The following L3MBTL4 variants were observed in gnomAD, a reference collection of about 807,000 sequenced individuals.
The protein encoded by L3MBTL4 is L3MBTL histone methyl-lysine binding protein 4.
In L3MBTL4, 70 loss-of-function variants were observed where a neutral mutation model predicts 84.5. The ratio of observed to expected loss-of-function variants is 0.83; its 90% CI spans 0.68 to 1.01. L3MBTL4 has a LOEUF of 1.01. Among genes scored for constraint, L3MBTL4 ranks in the 50% least tolerant of loss-of-function variants. L3MBTL4 has a pLI of 0.00. For synonymous variants in L3MBTL4, 274 were observed against 259.8 expected, an observed-to-expected ratio of 1.05 and a Z score of -0.52; for missense variants, 715 against 754.8, an observed-to-expected ratio of 0.95 and a Z score of 0.62.
intron 3 of L3MBTL4, among the ~76,000 whole-genome samples, chr18:6,303,062 T>C (rs1205476425): frequency 2.6e-5 from 4 of 152,148 alleles, no homozygotes. Flanking sequence ...ATCTTTTAAA[T>C]GAAGGGTTTC....
At chr18:6,092,174 C>T (rs972340850) in intron 15 of L3MBTL4, among the ~76,000 whole-genome samples, 31 of 152,112 alleles carry the variant, frequency 2.0e-4, no homozygotes, top group African/African-American at 7.2e-4. Context: ...CAGTCATGTG[C>T]ACAGAGATCA....
At chr18:6,004,211 T>C (rs1367529825) in intron 16 of L3MBTL4, among the ~76,000 whole-genome samples, 2 of 152,116 alleles carry the variant, frequency 1.3e-5, no homozygotes, top group African/African-American at 2.4e-5. Context: ...ACTGATTCTA[T>C]AGAAATGAAA....
chr18:6,181,888 C>T (rs936511047), intron 12 of L3MBTL4, among the ~76,000 whole-genome samples: 19 of 152,170 alleles, frequency 1.2e-4, no homozygotes, highest in Admixed American at 1.1e-3. Flanking sequence ...ATATGTACTA[C>T]ATTTTCTTTA....
chr18:6,065,404 C>G (rs2057368258), intron 16 of L3MBTL4, among the ~76,000 whole-genome samples: 1 of 151,808 alleles, frequency 6.6e-6, no homozygotes. Context: ...TCTTTTGGAA[C>G]TGTTTCAGTA....
At chr18:6,090,049 T>C (rs954424860) in intron 15 of L3MBTL4, among the ~76,000 whole-genome samples, 1 of 152,204 alleles carries the variant, frequency 6.6e-6, no homozygotes, top group Admixed American at 6.5e-5. Context: ...TACTCTACTA[T>C]ATGTACCCAA....
At chr18:6,299,072 G>T (rs1314262159) in intron 4 of L3MBTL4, among the ~76,000 whole-genome samples, 1 of 152,178 alleles carries the variant, frequency 6.6e-6, no homozygotes, top group Non-Finnish European at 1.5e-5. Context: ...ATTACACGGT[G>T]ATTGGCAATA....
At chr18:6,048,931 G>A (rs907595100) in intron 16 of L3MBTL4, among the ~76,000 whole-genome samples, 2 of 152,146 alleles carry the variant, frequency 1.3e-5, no homozygotes, top group East Asian at 3.9e-4. Context: ...GCCATATGCA[G>A]AATGAAACTA....
chr18:6,398,251 T>C (rs1374238747), intron 1 of L3MBTL4, among the ~76,000 whole-genome samples: 1 of 152,176 alleles, frequency 6.6e-6, no homozygotes, highest in African/African-American at 2.4e-5. Flanking sequence ...ACAGTCGCAA[T>C]TGTGGAGGCC....
chr18:6,387,312 A>C (rs934452125), intron 1 of L3MBTL4, among the ~76,000 whole-genome samples: 6 of 152,232 alleles, frequency 3.9e-5, no homozygotes, highest in African/African-American at 1.2e-4. Flanking sequence ...TTCTCAAACT[A>C]GGATACCCAT....
At chr18:6,081,127 T>C (rs2058064300) in intron 15 of L3MBTL4, 176 bp from the exon 16 acceptor site, 1 of 477,570 alleles carries the variant, frequency 2.1e-6, no homozygotes, top group Non-Finnish European at 3.6e-6. Flanking sequence ...AACACACTTC[T>C]GTTCAGAAAC....
intron 16 of L3MBTL4, among the ~76,000 whole-genome samples, chr18:5,975,192 G>T (rs901758610): frequency 6.6e-6 from 1 of 152,090 alleles, no homozygotes; most frequent in Admixed American, 6.6e-5. Context: ...CAAAACTGAA[G>T]CAAGTGAGTC....
At chr18:6,058,810 T>C (rs987692401) in intron 16 of L3MBTL4, among the ~76,000 whole-genome samples, 6 of 152,200 alleles carry the variant, frequency 3.9e-5, no homozygotes, top group Non-Finnish European at 8.8e-5. Context: ...CCAACATGCA[T>C]GTTAATCTGA....
At chr18:6,282,622 T>A (rs865789656) in intron 4 of L3MBTL4, among the ~76,000 whole-genome samples, 2 of 152,198 alleles carry the variant, frequency 1.3e-5, no homozygotes, top group African/African-American at 4.8e-5. Context: ...GAGGCCTTAG[T>A]AAGAATTTCG....
intron 10 of L3MBTL4, among the ~76,000 whole-genome samples, chr18:6,217,917 A>C (rs1038467719): frequency 5.3e-5 from 8 of 152,102 alleles, no homozygotes; most frequent in Non-Finnish European, 1.2e-4. Flanking sequence ...ATCTATTTTA[A>C]TCACTTTCTA....
intron 5 of L3MBTL4, among the ~76,000 whole-genome samples, chr18:6,262,327 A>G (rs949240623): frequency 8.5e-5 from 13 of 152,222 alleles, no homozygotes; most frequent in African/African-American, 3.1e-4. Flanking sequence ...AGAAGCGAGA[A>G]GAGTTTCCCT....
At chr18:5,992,205 A>C (rs1245642863) in intron 16 of L3MBTL4, among the ~76,000 whole-genome samples, 1 of 152,178 alleles carries the variant, frequency 6.6e-6, no homozygotes, top group African/African-American at 2.4e-5. Context: ...ATAGGGCATG[A>C]TGAGGAGCCC....
At chr18:6,097,945 C>A (rs1187912097) in intron 14 of L3MBTL4, among the ~76,000 whole-genome samples, 4 of 152,188 alleles carry the variant, frequency 2.6e-5, no homozygotes, top group Non-Finnish European at 5.9e-5. Flanking sequence ...GTGCTTCTCA[C>A]CCCGAATTAT....
intron 16 of L3MBTL4, among the ~76,000 whole-genome samples, chr18:6,061,705 T>C (rs146765327): frequency 5.5e-4 from 83 of 152,112 alleles, no homozygotes; most frequent in African/African-American, 1.9e-3. Context: ...TCCTCTCTTT[T>C]TCTCCCTTCT....
chr18:6,104,784 G>T (rs1308140905), intron 14 of L3MBTL4, among the ~76,000 whole-genome samples: 1 of 152,184 alleles, frequency 6.6e-6, no homozygotes, highest in Non-Finnish European at 1.5e-5. Context: ...ATAGTCTTCA[G>T]ATAAACACTG....
Sources: allele counts gnomAD v4.1 joint callset (sites outside exome capture counted in the v4.1 genomes callset), GRCh38; gene constraint gnomAD v4.1.1; transcripts MANE v1.5; gene names NCBI Gene and HGNC (gene_info 2026-07-23, HGNC 2026-07-21).